STK40: variants seen among roughly 807,000 people sequenced by gnomAD.
STK40 encodes serine/threonine-protein kinase 40.
Under a neutral mutation model 47.9 loss-of-function variants are expected in STK40, and 13 were observed. The observed-to-expected ratio is 0.27, with a 90% confidence interval of 0.18 to 0.43. The LOEUF is 0.43. STK40 is among the 20% of genes least tolerant of loss of function. The pLI is 1.00. For synonymous variants in STK40, 225 were observed against 243.2 expected (o/e 0.93, Z 0.69); for missense variants, 460 against 595.1 (o/e 0.77, Z 2.36).
chr1:36,356,233 C>T (rs768156309), intron 4 of STK40, among the ~76,000 whole-genome samples: 4 of 152,210 alleles, frequency 2.6e-5, no homozygotes, highest in African/African-American at 9.6e-5. Flanking sequence ...GTTGTGGCTG[C>T]GAGATGGACA....
intron 6 of STK40, among the ~76,000 whole-genome samples, chr1:36,350,707 T>C (rs990561047): frequency 2.6e-5 from 4 of 152,226 alleles, no homozygotes; most frequent in African/African-American, 9.6e-5. Context: ...AGACTCTGTC[T>C]TGGAGGCGGT....
intron 4 of STK40, among the ~76,000 whole-genome samples, chr1:36,356,428 T>TTTC (rs1646805425): frequency 7.0e-6 from 1 of 143,330 alleles, no homozygotes; most frequent in Non-Finnish European, 1.5e-5. Flanking sequence ...CTTTTTTTTT[T>TTTC]TTTTTTTTTT....
chr1:36,363,721 A>G (rs935868983), intron 1 of STK40, among the ~76,000 whole-genome samples: 11 of 151,464 alleles, frequency 7.3e-5, no homozygotes, highest in Admixed American at 4.6e-4. Flanking sequence ...AGGCTGAGGC[A>G]GGAGAATAGT....
intron 2 of STK40, among the ~76,000 whole-genome samples, chr1:36,359,474 A>C (rs1488641379): frequency 6.6e-6 from 1 of 152,172 alleles, no homozygotes; most frequent in African/African-American, 2.4e-5. Flanking sequence ...GGATCCAGGA[A>C]ACTAGAGCCG....
chr1:36,371,838 A>G (rs1453582774), intron 1 of STK40, among the ~76,000 whole-genome samples: 2 of 151,802 alleles, frequency 1.3e-5, no homozygotes, highest in Admixed American at 6.6e-5. Context: ...TCTACCAAAA[A>G]TACAAAAAAA....
At chr1:36,359,286 G>T (rs950344542) in intron 2 of STK40, among the ~76,000 whole-genome samples, 1 of 152,032 alleles carries the variant, frequency 6.6e-6, no homozygotes, top group Admixed American at 6.5e-5. Flanking sequence ...CATACCTGTA[G>T]ACCCAGCTAC....
chr1:36,340,812 T>C lies in STK40; in HGVS notation c.*943A>G. ...CCATCCCCTAAACACAAGAGTAGGC[T>C]AGGGGAGCGTGCAGGCAGCCCCCGC... On this transcript the variant is annotated 3_prime_UTR_variant, in exon 11 of 11. Coordinates refer to ENST00000373132, the MANE Select transcript of STK40 (RefSeq NM_001282547.2). The C allele has an allele frequency of 6.6e-6, 1 of 152,410 alleles. No homozygotes were observed. Among genetic ancestry groups the C allele is most frequent in the Non-Finnish European group, 1.5e-5 (1 of 68,116 alleles). 9.4% of individuals were successfully genotyped at this position (152,410 alleles called of 1,614,324 possible).
chr1:36,362,125 C>T (rs1646857523), intron 1 of STK40, among the ~76,000 whole-genome samples: 1 of 152,208 alleles, frequency 6.6e-6, no homozygotes, highest in Non-Finnish European at 1.5e-5. Flanking sequence ...TCCCGAGATC[C>T]TCCTGCGTAA....
At chr1:36,376,565 CAT>C (rs978205219) in intron 1 of STK40, among the ~76,000 whole-genome samples, 1 of 152,200 alleles carries the variant, frequency 6.6e-6, no homozygotes, top group South Asian at 2.1e-4. Context: ...CACACACACA[CAT>C]GCCCCCAAGG....
chr1:36,360,726 T>A (rs529261141), intron 2 of STK40, among the ~76,000 whole-genome samples: 1 of 152,204 alleles, frequency 6.6e-6, no homozygotes, highest in Admixed American at 6.5e-5. Flanking sequence ...CTAGTAGAGA[T>A]GGGATCTCAC....
At chr1:36,355,970 C>A (rs1646800235) in intron 4 of STK40, among the ~76,000 whole-genome samples, 1 of 152,068 alleles carries the variant, frequency 6.6e-6, no homozygotes, top group Non-Finnish European at 1.5e-5. Flanking sequence ...TGTCGGGATG[C>A]AGTACTCCCG....
Position 36,372,423 on chromosome 1 carries a change from C to CAA in STK40, c.-8-11085_-8-11084dup, listed in dbSNP as rs796595993. Among the ~76,000 whole-genome samples, 288 of 38,490 alleles carry CAA rather than the reference C, an allele frequency of 7.5e-3. 2 individuals are homozygous for CAA. The highest frequency in any genetic ancestry group is 0.017 in the Middle Eastern group (1 of 58). 25.3% of individuals were successfully genotyped at this position (38,490 alleles called of 152,430 possible). On this transcript the variant is annotated intron_variant, in intron 1 of 10. Transcript: ENST00000373132. ...TGGGGGACAGAGTGAGACCTTGTCTCAAAAAAAAAAAAAAAAAAAAAAAAA... is the reference window on the plus strand; with the variant it reads ...TGGGGGACAGAGTGAGACCTTGTCTCAAAAAAAAAAAAAAAAAAAAAAAAAAA...
intron 1 of STK40, among the ~76,000 whole-genome samples, chr1:36,384,061 ACT>A (rs1347975693): frequency 7.1e-6 from 1 of 140,318 alleles, no homozygotes; most frequent in Admixed American, 7.4e-5. Context: ...ACAGAGTCTC[ACT>A]CTGTTACTCA....
Position 36,360,287 on chromosome 1 carries a change from G to A in STK40, c.112+934C>T, listed in dbSNP as rs147871539. On this transcript the variant is annotated intron_variant, in intron 2 of 10. Coordinates refer to ENST00000373132, the MANE Select transcript of STK40 (RefSeq NM_001282547.2). The stretch of plus-strand genomic sequence containing the variant: ...AATGCTGTCCCAAAGTAAAACTCAC[G>A]CCCAGTCTCTGGCTGCAACCCTGAC... 2.6e-5 allele frequency among the ~76,000 whole-genome samples: 4 copies of A among 152,250 alleles called. No individual in the cohort carries two copies. In the South Asian group the frequency reaches 6.2e-4, roughly 24 times the overall value.
chr1:36,343,741 C>T, intron 9 of STK40, 119 bp downstream of exon 9: 1 of 1,447,526 alleles, frequency 6.9e-7, no homozygotes, highest in Admixed American at 2.7e-5. Context: ...TGCAGAGAAT[C>T]TGGAAATCTG....
At chr1:36,376,248 G>C (rs3007220) in intron 1 of STK40, among the ~76,000 whole-genome samples, 132,338 of 152,156 alleles carry the variant, frequency 0.87, 57,934 homozygotes, top group East Asian at 1. Context: ...GCAGCCACCA[G>C]TGAAAGACTA....
chr1:36,376,882 T>C (rs1032817388), intron 1 of STK40, among the ~76,000 whole-genome samples: 1 of 150,830 alleles, frequency 6.6e-6, no homozygotes, highest in Non-Finnish European at 1.5e-5. Flanking sequence ...GTTCAAGCAA[T>C]ACTCTGCCTC....
Position 36,357,109 on chromosome 1 carries a change from A to C in STK40, c.342+1130T>G, listed in dbSNP as rs890510842. Among the ~76,000 whole-genome samples the C allele has an allele frequency of 4.6e-5, 7 of 152,212 alleles. 1 individual carries two copies. Among genetic ancestry groups the C allele is most frequent in the Non-Finnish European group, 8.8e-5 (6 of 68,040 alleles). ...ATGCCTGAACAGCAATGATGATGAC[A>C]GTGTTCCAGCAGCAGCTCAGTGCTT... On this transcript the variant is annotated intron_variant, in intron 4 of 10. Coordinates refer to ENST00000373132, the MANE Select transcript of STK40 (RefSeq NM_001282547.2).
At chr1:36,345,987 ATATAT>A (rs1485965230) in intron 7 of STK40, among the ~76,000 whole-genome samples, 1 of 17,270 alleles carries the variant, frequency 5.8e-5, no homozygotes, top group Non-Finnish European at 1.1e-4. Context: ...ATATATATAT[ATATAT>A]TTTTTTTTTT....
Sources: allele counts gnomAD v4.1 joint callset (sites outside exome capture counted in the v4.1 genomes callset), GRCh38; gene constraint gnomAD v4.1.1; transcripts MANE v1.5; gene names NCBI Gene and HGNC (gene_info 2026-07-23, HGNC 2026-07-21).